MGRN1: variants seen among roughly 807,000 people sequenced by gnomAD.
MGRN1 encodes the protein E3 ubiquitin-protein ligase MGRN1.
MGRN1 carries 29 observed loss-of-function variants against 69.2 expected under a neutral mutation model. That is an observed-to-expected ratio of 0.42 (90% CI 0.31 to 0.57). MGRN1 has a LOEUF of 0.57. Among genes scored for constraint, MGRN1 ranks in the 20% least tolerant of loss-of-function variants. The pLI, the probability that MGRN1 is intolerant of heterozygous loss-of-function variation, is 0.15. For synonymous variants in MGRN1, 470 were observed against 344.2 expected (o/e 1.37, Z -4.04); for missense variants, 998 against 796.2 (o/e 1.25, Z -3.05).
chr16:4,631,169 CT>C (rs1346943539), intron 1 of MGRN1, among the ~76,000 whole-genome samples: 1 of 152,118 alleles, frequency 6.6e-6, no homozygotes, highest in Non-Finnish European at 1.5e-5. Flanking sequence ...CTAAACCCCC[CT>C]TTTTTGTGGA....
chr16:4,657,212 C>T (rs372429289), intron 4 of MGRN1, 34 bp from the exon 5 acceptor site: 8 of 1,596,974 alleles, frequency 5.0e-6, no homozygotes, highest in Middle Eastern at 3.3e-4. Context: ...CTCTTCCTGC[C>T]GCAGCCTCAC....
At position 4,660,854 on chromosome 16, in the gene MGRN1, C is replaced by T. The variant is rs544577593; in HGVS notation, c.561+3491C>T. Among the ~76,000 whole-genome samples the T allele has an allele frequency of 3.9e-5, 6 of 152,320 alleles. No individual in the cohort carries two copies. The East Asian group carries it at 5.8e-4, about 15-fold the overall frequency. On this transcript the variant is annotated intron_variant, in intron 5 of 16. Transcript: ENST00000262370. ...ATCAGCCCTGACAGGCCCCCCAGAC[C>T]GGGGAAGGGAGTGTCCCTCACTCTG... is the stretch of plus-strand genomic sequence containing the variant.
At chr16:4,641,040 C>A (rs1372296022) in intron 1 of MGRN1, among the ~76,000 whole-genome samples, 1 of 152,224 alleles carries the variant, frequency 6.6e-6, no homozygotes, top group African/African-American at 2.4e-5. Flanking sequence ...GTGGTTCCAC[C>A]TGCGTTCTTT....
intron 9 of MGRN1, among the ~76,000 whole-genome samples, chr16:4,672,239 G>A (rs1222046936): frequency 6.6e-6 from 1 of 152,038 alleles, no homozygotes; most frequent in Non-Finnish European, 1.5e-5. Flanking sequence ...TAGAGATGGG[G>A]TTTCACTATG....
At chr16:4,626,612 G>A (rs1897691358) in intron 1 of MGRN1, among the ~76,000 whole-genome samples, 1 of 152,214 alleles carries the variant, frequency 6.6e-6, no homozygotes, top group Non-Finnish European at 1.5e-5. Flanking sequence ...AGTAAGCAGT[G>A]GCATGACACA....
intron 16 of MGRN1, chr16:4,687,485 C>T (rs2079354582): frequency 3.1e-5 from 30 of 972,932 alleles, no homozygotes; most frequent in South Asian, 4.7e-5. Flanking sequence ...GGTCAAGGCC[C>T]ACTCCAGCCT....
chr16:4,625,194 G>T (rs1285929659), intron 1 of MGRN1, 146 bp downstream of exon 1: 2 of 716,556 alleles, frequency 2.8e-6, no homozygotes, highest in Non-Finnish European at 4.1e-6. Context: ...CGGCCCCACG[G>T]CCCCGATCCC....
chr16:4,679,882 C>T (rs1051380491), intron 11 of MGRN1, 150 bp from the exon 12 acceptor site: 1 of 745,702 alleles, frequency 1.3e-6, no homozygotes, highest in Non-Finnish European at 2.2e-6. Flanking sequence ...TCAACCCTCA[C>T]TTAGGACAGT....
chr16:4,637,030 A>G (rs1898331213), intron 1 of MGRN1, among the ~76,000 whole-genome samples: 1 of 150,750 alleles, frequency 6.6e-6, no homozygotes, highest in Non-Finnish European at 1.5e-5. Flanking sequence ...GAGGCAGGAG[A>G]ATGGCGTGAA....
intron 2 of MGRN1, among the ~76,000 whole-genome samples, chr16:4,651,284 A>G (rs139817125): frequency 2.6e-3 from 393 of 152,238 alleles, no homozygotes; most frequent in Middle Eastern, 0.01. Flanking sequence ...CACATGTGGC[A>G]CCTGCTGCGT....
chr16:4,665,922 C>T (rs934802524), intron 7 of MGRN1, among the ~76,000 whole-genome samples: 5 of 151,604 alleles, frequency 3.3e-5, no homozygotes, highest in African/African-American at 4.9e-5. Context: ...CTACGCCTCC[C>T]GGGTTCATGC....
At chr16:4,635,382 A>T (rs1487601866) in intron 1 of MGRN1, among the ~76,000 whole-genome samples, 1 of 152,032 alleles carries the variant, frequency 6.6e-6, no homozygotes, top group Non-Finnish European at 1.5e-5. Context: ...GCGCCACTGC[A>T]CTCCACCCTG....
At chr16:4,688,590 C>G (rs1261096153) in intron 16 of MGRN1, 1 of 1,339,800 alleles carries the variant, frequency 7.5e-7, no homozygotes, top group African/African-American at 1.5e-5. Flanking sequence ...TCGTCTGTCC[C>G]AAGAGGGACA....
intron 5 of MGRN1, among the ~76,000 whole-genome samples, chr16:4,660,961 C>G (rs893113094): frequency 2.0e-5 from 3 of 152,150 alleles, no homozygotes; most frequent in Admixed American, 6.5e-5. Flanking sequence ...GAACATGTGC[C>G]CCACGTCCCT....
At chr16:4,637,687 A>G (rs2078063638) in intron 1 of MGRN1, among the ~76,000 whole-genome samples, 1 of 152,240 alleles carries the variant, frequency 6.6e-6, no homozygotes, top group Non-Finnish European at 1.5e-5. Flanking sequence ...GCCATCCTGC[A>G]GTCCTGCAGA....
At chr16:4,666,104 C>G (rs988936269) in intron 7 of MGRN1, among the ~76,000 whole-genome samples, 2 of 152,048 alleles carry the variant, frequency 1.3e-5, no homozygotes, top group African/African-American at 4.8e-5. Context: ...GCTTGGATTA[C>G]AGGTGTGAGC....
At chr16:4,661,099 A>G (rs1336712398) in intron 5 of MGRN1, among the ~76,000 whole-genome samples, 3 of 151,232 alleles carry the variant, frequency 2.0e-5, no homozygotes, top group Non-Finnish European at 4.4e-5. Flanking sequence ...TCTCACCTCA[A>G]CTTTCACAGT....
At chr16:4,658,313 A>G (rs994543130) in intron 5 of MGRN1, among the ~76,000 whole-genome samples, 1 of 151,468 alleles carries the variant, frequency 6.6e-6, no homozygotes, top group African/African-American at 2.4e-5. Context: ...AGGCAGGCGG[A>G]TCACGAGGTC....
chr16:4,682,936 G>A lies in MGRN1; in HGVS notation c.1472G>A (p.Ser491Asn). Reference sequence around the variant, plus strand: ...GCAGAGCTGGCCCTGCGGGAAAGCAGCTCCCCTGAGGTGAGGCCCCCCCGG... The same window carrying A: ...GCAGAGCTGGCCCTGCGGGAAAGCAACTCCCCTGAGGTGAGGCCCCCCCGG... Reference protein sequence around the residue: ...GGAELALRESSSPESFITEEV... With the variant: ...GGAELALRESNSPESFITEEV... Residue 491 changes from serine to asparagine, a missense_variant, in exon 14 of 17, where the codon AGC becomes AAC. Physicochemically the swap from Ser to Asn is conservative, Grantham distance 46. Transcript: ENST00000262370. 6.3e-7 allele frequency: 1 copy of A among 1,589,714 alleles called. No homozygotes were observed. The highest frequency in any genetic ancestry group is 8.6e-7 in the Non-Finnish European group (1 of 1,165,442).
Sources: allele counts gnomAD v4.1 joint callset (sites outside exome capture counted in the v4.1 genomes callset), GRCh38; gene constraint gnomAD v4.1.1; transcripts MANE v1.5; gene names NCBI Gene and HGNC (gene_info 2026-07-23, HGNC 2026-07-21).